The following SMIM5 variants were observed in gnomAD, a reference collection of about 807,000 sequenced individuals.
The protein encoded by SMIM5 is small integral membrane protein 5.
In SMIM5, 4 loss-of-function variants were observed where a neutral mutation model predicts 4.0. The observed-to-expected ratio is 1.01, with a 90% CI of 0.50 to 2.30. The LOEUF is 2.30. Ranked by LOEUF, SMIM5 falls within the 30% of genes most tolerant of loss-of-function variation. The probability of loss-of-function intolerance (pLI) is 0.02; values close to 1 mark genes in which losing one functional copy is unlikely to be tolerated. For synonymous variants in SMIM5, 46 were observed against 43.6 expected (o/e 1.05, Z -0.22); for missense variants, 107 against 99.2 (o/e 1.08, Z -0.34).
rs952913939 is a variant in SMIM5 at position 75,633,713 on chromosome 17, C to G, written c.-526C>G. 2.7e-6 allele frequency: 3 copies of G among 1,122,584 alleles called. No homozygotes were observed. Among genetic ancestry groups the G allele is most frequent in the Non-Finnish European group, 2.2e-6 (2 of 906,324 alleles). 69.5% of individuals were successfully genotyped at this position (1,122,584 alleles called of 1,614,324 possible). On this transcript the variant is annotated 5_prime_UTR_variant, in exon 1 of 3. Transcript: ENST00000375215. ...ACAGAAGGGGTGGCCTTCCTGAGGG[C>G]AGGGTGGGTGCCCCAGACCTGAGAG...
chr17:75,639,380 G>A (rs1434527054), intron 1 of SMIM5: 1 of 152,308 alleles, frequency 6.6e-6, no homozygotes, highest in Non-Finnish European at 1.5e-5. Flanking sequence ...CACAGGAGAG[G>A]CAGAAGGGGA....
At chr17:75,637,715 G>A (rs2059351852) in intron 1 of SMIM5, 1 of 152,298 alleles carries the variant, frequency 6.6e-6, no homozygotes, top group African/African-American at 2.4e-5. Flanking sequence ...CCACAAATGT[G>A]GGCTGGGGCT....
At chr17:75,639,185 A>T (rs2059385414) in intron 1 of SMIM5, 1 of 152,364 alleles carries the variant, frequency 6.6e-6, no homozygotes, top group African/African-American at 2.4e-5. Flanking sequence ...CATCTCAGCG[A>T]GAACCGGCTG....
At position 75,633,759 on chromosome 17, in the gene SMIM5, C is replaced by A; in HGVS notation, c.-480C>A. 9.7e-7 allele frequency: 1 copy of A among 1,036,056 alleles called. No individual in the cohort carries two copies. The highest frequency in any genetic ancestry group is 1.2e-6 in the Non-Finnish European group (1 of 857,674). 64.2% of individuals were successfully genotyped at this position (1,036,056 alleles called of 1,614,324 possible). ...GAGAGCGCTGCAGGACTCCCCTCCA[C>A]AGGCTCAGGTGGAGCCTCCCCAGGG... On this transcript the variant is annotated 5_prime_UTR_variant, in exon 1 of 3. Transcript: ENST00000375215.
intron 1 of SMIM5, chr17:75,639,044 A>T (rs892755879): frequency 6.6e-6 from 1 of 152,220 alleles, no homozygotes; most frequent in Non-Finnish European, 1.5e-5. Flanking sequence ...TCATGCAAAG[A>T]CCACATGGCC....
chr17:75,637,167 GCA>G (rs2059339343), intron 1 of SMIM5: 1 of 152,298 alleles, frequency 6.6e-6, no homozygotes, highest in Non-Finnish European at 1.5e-5. Context: ...GTTCTGGTGA[GCA>G]CAGCCCCAGG....
At position 75,636,875 on chromosome 17, in the gene SMIM5, C is replaced by T. The variant is rs1313043511; in HGVS notation, c.-37+2673C>T. The T allele has an allele frequency of 2.0e-5, 3 of 152,276 alleles. No individual in the cohort carries two copies. Among genetic ancestry groups the T allele is most frequent in the East Asian group, 1.9e-4 (1 of 5,202 alleles). The allele number at this position is 152,276 out of a possible 1,614,324, so 9.4% of individuals were successfully genotyped here. ...TACCGTGAGTACCCCTGGGTCAGAC[C>T]CTGGGGCTGGGTGAGGCTGGCCATG... On this transcript the variant is annotated intron_variant, in intron 1 of 2. Transcript: ENST00000375215. The surrounding 1 kb of genome is among the most constrained non-coding windows in gnomAD (Gnocchi z 5.4).
chr17:75,640,782 G>T lies in SMIM5; in HGVS notation c.128-9G>T. 6.5e-7 allele frequency: 1 copy of T among 1,549,478 alleles called. No homozygotes were observed. On this transcript the variant is annotated splice_polypyrimidine_tract_variant and intron_variant, in intron 2 of 2. Transcript: ENST00000375215. This position sits in a 1 kb window ranked among gnomAD's most constrained non-coding sequence, Gnocchi z 4.6. ...AACCTGAGTCCCGTGCTCTCTCCCG[G>T]CCCTCCAGCTACTGTTCTGCTGTTG...
chr17:75,640,943 G>A lies in SMIM5; in HGVS notation c.*46G>A. The A allele has an allele frequency of 6.5e-7, 1 of 1,532,946 alleles. No individual in the cohort carries two copies. The highest frequency in any genetic ancestry group is 8.8e-7 in the Non-Finnish European group (1 of 1,142,666). 95.0% of individuals were successfully genotyped at this position (1,532,946 alleles called of 1,614,324 possible). ...AGAAGCTGGAGAGGAGATGGCCAAT[G>A]CCATGACACAGGCCATCAGCCTGGC... On this transcript the variant is annotated 3_prime_UTR_variant, in exon 3 of 3. Transcript: ENST00000375215. The surrounding 1 kb of genome is among the most constrained non-coding windows in gnomAD (Gnocchi z 4.6).
intron 1 of SMIM5, among the ~76,000 whole-genome samples, chr17:75,635,432 TGAA>T (rs2059302532): frequency 2.0e-5 from 3 of 152,114 alleles, no homozygotes; most frequent in Admixed American, 1.3e-4. Context: ...GGAGGGTGAA[TGAA>T]CAGCCAGCTT....
At position 75,633,542 on chromosome 17, in the gene SMIM5, T is replaced by C; in HGVS notation, c.-697T>C. 2.3e-6 allele frequency: 3 copies of C among 1,284,356 alleles called. No homozygotes were observed. Among genetic ancestry groups the C allele is most frequent in the Non-Finnish European group, 2.0e-6 (2 of 986,262 alleles). The allele number at this position is 1,284,356 out of a possible 1,614,324, so 79.6% of individuals were successfully genotyped here. On this transcript the variant is annotated 5_prime_UTR_variant, in exon 1 of 3. Transcript: ENST00000375215. ...ATTCCAAGTTCTCCCCCAAGACGCC[T>C]TCAGATGCTGAGCGGCACAAGGGCC...
chr17:75,640,306 C>A lies in SMIM5; in HGVS notation c.105C>A (p.Phe35Leu). ...PQAEPVEIVA[F>L]SVIILFTATV... The stretch of plus-strand genomic sequence containing the variant: ...CTGAGCCCGTGGAGATCGTGGCCTT[C>A]TCAGTCATCATCCTTTTCACAGGTT... Residue 35 changes from phenylalanine (F) to leucine (L), a missense_variant, in exon 2 of 3, where the codon TTC becomes TTA. Coordinates refer to ENST00000375215, the MANE Select transcript of SMIM5 (RefSeq NM_001162995.3). The surrounding 1 kb of genome is among the most constrained non-coding windows in gnomAD (Gnocchi z 4.6). 1 of 1,550,608 alleles carries A rather than the reference C, an allele frequency of 6.4e-7. No individual in the cohort carries two copies. The highest frequency in any genetic ancestry group is 1.4e-5 in the African/African-American group (1 of 73,116).
intron 1 of SMIM5, chr17:75,635,801 C>A: frequency 1.0e-6 from 1 of 985,482 alleles, no homozygotes; most frequent in Non-Finnish European, 1.2e-6. Context: ...GCTGCCAACA[C>A]ACCTCGCTTA....
intron 1 of SMIM5, chr17:75,635,705 C>G: frequency 3.7e-6 from 3 of 805,322 alleles, no homozygotes; most frequent in Non-Finnish European, 4.5e-6. Context: ...GGACCTCAAA[C>G]GAGATAATGC....
Position 75,640,242 on chromosome 17 carries a change from G to T in SMIM5, c.41G>T (p.Gly14Val). ...TTCGTGCAGGAGATGCGCGCCGTGG[G>T]CGAGAGGCTGCTGCTCAAGCTGCAG... ...TDFVQEMRAV[G>V]ERLLLKLQRL... Residue 14 changes from glycine to valine, a missense_variant, in exon 2 of 3, where the codon GGC becomes GTC. Physicochemically the swap from Gly to Val is moderately radical, Grantham distance 109. Coordinates refer to ENST00000375215, the MANE Select transcript of SMIM5 (RefSeq NM_001162995.3). This position sits in a 1 kb window ranked among gnomAD's most constrained non-coding sequence, Gnocchi z 4.6. 1 of 1,551,324 alleles carries T rather than the reference G, an allele frequency of 6.4e-7. No individual in the cohort carries two copies. Among genetic ancestry groups the T allele is most frequent in the Non-Finnish European group, 8.7e-7 (1 of 1,146,874 alleles).
Position 75,640,970 on chromosome 17 carries a change from C to A in SMIM5, c.*73C>A. Reference sequence around the variant, plus strand: ...CATGACACAGGCCATCAGCCTGGCCCTGCAGCCCTTACCCCTCAAGACCAG... The same window carrying A: ...CATGACACAGGCCATCAGCCTGGCCATGCAGCCCTTACCCCTCAAGACCAG... On this transcript the variant is annotated 3_prime_UTR_variant, in exon 3 of 3. Transcript: ENST00000375215. This position sits in a 1 kb window ranked among gnomAD's most constrained non-coding sequence, Gnocchi z 4.6. 1 of 1,518,672 alleles carries A rather than the reference C, an allele frequency of 6.6e-7. No homozygotes were observed. Among genetic ancestry groups the A allele is most frequent in the Non-Finnish European group, 8.8e-7 (1 of 1,132,980 alleles). 94.1% of individuals were successfully genotyped at this position (1,518,672 alleles called of 1,614,324 possible).
chr17:75,639,610 T>C, intron 1 of SMIM5: 1 of 152,166 alleles, frequency 6.6e-6, no homozygotes, highest in Non-Finnish European at 1.5e-5. Context: ...CGGTGCGGCC[T>C]CCCCCTCTGG....
chr17:75,639,094 C>T (rs1418430516), intron 1 of SMIM5: 3 of 152,300 alleles, frequency 2.0e-5, no homozygotes, highest in Admixed American at 1.3e-4. Flanking sequence ...TGGAGGGCCC[C>T]GTTCGATGAC....
At position 75,641,101 on chromosome 17, in the gene SMIM5, A is replaced by G; in HGVS notation, c.*204A>G. ...TATAGGTGCAAACCTCTCATCTGCC[A>G]GTGGACACTGGGTGCTGGGGAGTCA... On this transcript the variant is annotated 3_prime_UTR_variant, in exon 3 of 3. Transcript: ENST00000375215. The G allele has an allele frequency of 1.1e-6, 1 of 898,744 alleles. No individual in the cohort carries two copies. Among genetic ancestry groups the G allele is most frequent in the Non-Finnish European group, 1.6e-6 (1 of 620,864 alleles). 55.7% of individuals were successfully genotyped at this position (898,744 alleles called of 1,614,324 possible).
Sources: allele counts gnomAD v4.1 joint callset (sites outside exome capture counted in the v4.1 genomes callset), GRCh38; gene constraint gnomAD v4.1.1; non-coding constraint Gnocchi (gnomAD v3.1); transcripts MANE v1.5; gene names NCBI Gene and HGNC (gene_info 2026-07-23, HGNC 2026-07-21).